The following ADGRL3 variants were observed in gnomAD, a reference collection of about 807,000 sequenced individuals.
ADGRL3 encodes the protein adhesion G protein-coupled receptor L3.
ADGRL3 carries 62 observed loss-of-function variants against 153.5 expected under a neutral mutation model. The observed-to-expected ratio is 0.40, with a 90% CI of 0.33 to 0.50. ADGRL3 has a LOEUF of 0.50. Among genes scored for constraint, ADGRL3 ranks in the 20% least tolerant of loss-of-function variants. The probability of loss-of-function intolerance (pLI) is 0.47; values close to 1 mark genes in which losing one functional copy is unlikely to be tolerated. For synonymous variants in ADGRL3, 710 were observed against 672.5 expected (o/e 1.06, Z -0.86); for missense variants, 1,641 against 1,859.4 (o/e 0.88, Z 2.16).
chr4:61,769,981 G>A (rs1182145833), intron 8 of ADGRL3, among the ~76,000 whole-genome samples: 1 of 152,160 alleles, frequency 6.6e-6, no homozygotes, highest in Admixed American at 6.5e-5. Context: ...ACAGGTGCAG[G>A]TCACAGGGGA....
chr4:61,710,316 G>T (rs2095946352), intron 6 of ADGRL3, among the ~76,000 whole-genome samples: 3 of 152,176 alleles, frequency 2.0e-5, no homozygotes, highest in Admixed American at 2.0e-4. Flanking sequence ...CAGTCTTGGG[G>T]AATGGCCATT....
chr4:62,028,336 A>G (rs1279094471), intron 21 of ADGRL3, among the ~76,000 whole-genome samples: 1 of 151,834 alleles, frequency 6.6e-6, no homozygotes, highest in African/African-American at 2.4e-5. Flanking sequence ...AAAGTACTCA[A>G]GATAGATTAT....
chr4:61,953,864 G>C (rs972134846), intron 17 of ADGRL3, among the ~76,000 whole-genome samples: 8 of 152,174 alleles, frequency 5.3e-5, no homozygotes, highest in Non-Finnish European at 1.0e-4. Flanking sequence ...ACGTTCTTCA[G>C]TTTGCCTTGG....
chr4:62,063,085 G>A (rs1323669906), intron 25 of ADGRL3, among the ~76,000 whole-genome samples: 3 of 152,064 alleles, frequency 2.0e-5, no homozygotes, highest in African/African-American at 7.2e-5. Flanking sequence ...TTCTGTGAAT[G>A]AGGGAATGTT....
intron 17 of ADGRL3, among the ~76,000 whole-genome samples, chr4:61,957,165 T>G (rs1023207352): frequency 8.5e-5 from 13 of 152,328 alleles, no homozygotes; most frequent in African/African-American, 3.1e-4. Context: ...GTCCTATCCA[T>G]GAAGATGGGA....
intron 1 of ADGRL3, among the ~76,000 whole-genome samples, chr4:61,261,191 T>TC (rs202038990): frequency 4.1e-3 from 75 of 18,346 alleles, no homozygotes; most frequent in African/African-American, 0.01. Context: ...ATCTTCTTCT[T>TC]TTTTTTTTTT....
chr4:61,756,309 T>C (rs1280416026), intron 8 of ADGRL3, among the ~76,000 whole-genome samples: 1 of 152,198 alleles, frequency 6.6e-6, no homozygotes, highest in Non-Finnish European at 1.5e-5. Context: ...CAGTGGTTTG[T>C]AGTTCTCCTT....
intron 5 of ADGRL3, among the ~76,000 whole-genome samples, chr4:61,646,939 C>T (rs536247579): frequency 4.5e-4 from 68 of 152,318 alleles, no homozygotes; most frequent in Middle Eastern, 3.4e-3. Context: ...ACTCCGTGGG[C>T]GTAGGACCCT....
At chr4:61,766,551 C>G (rs1051894340) in intron 8 of ADGRL3, among the ~76,000 whole-genome samples, 1 of 151,918 alleles carries the variant, frequency 6.6e-6, no homozygotes, top group Non-Finnish European at 1.5e-5. Context: ...AGAGATCAGT[C>G]GGACACGATT....
chr4:61,981,606 A>G (rs1004052630), intron 18 of ADGRL3, among the ~76,000 whole-genome samples: 4 of 152,142 alleles, frequency 2.6e-5, no homozygotes, highest in African/African-American at 9.7e-5. Context: ...ATAATAGACA[A>G]TATCTTCATA....
chr4:61,976,749 C>G (rs912236520), intron 17 of ADGRL3, among the ~76,000 whole-genome samples: 1 of 152,150 alleles, frequency 6.6e-6, no homozygotes, highest in African/African-American at 2.4e-5. Context: ...GCTCCCCCTT[C>G]GCCTTCTGCC....
chr4:62,068,010 T>G (rs1015300546), intron 25 of ADGRL3, among the ~76,000 whole-genome samples, 156 bp from the exon 26 acceptor site: 7 of 152,172 alleles, frequency 4.6e-5, no homozygotes, highest in Non-Finnish European at 8.8e-5. Context: ...TGGTAAATCA[T>G]GTAACCCAGA....
chr4:61,631,602 C>G (rs987749), intron 5 of ADGRL3, among the ~76,000 whole-genome samples: 1 of 152,014 alleles, frequency 6.6e-6, no homozygotes, highest in Non-Finnish European at 1.5e-5. Flanking sequence ...TATACATTAC[C>G]GTTAAAATAA....
intron 25 of ADGRL3, among the ~76,000 whole-genome samples, chr4:62,061,189 A>G (rs2151859839): frequency 6.6e-6 from 1 of 152,046 alleles, no homozygotes. Context: ...AACATTTTTT[A>G]GGAGTGGCAT....
intron 4 of ADGRL3, among the ~76,000 whole-genome samples, chr4:61,550,752 A>G (rs7688741): frequency 0.56 from 84,969 of 151,812 alleles, 24,122 homozygotes; most frequent in East Asian, 0.78. Context: ...GAATATACAT[A>G]TGATGCTAAC....
chr4:61,355,190 T>C (rs1004161916), intron 1 of ADGRL3, among the ~76,000 whole-genome samples: 2 of 152,122 alleles, frequency 1.3e-5, no homozygotes, highest in Non-Finnish European at 1.5e-5. Flanking sequence ...CTCTGTTTGC[T>C]GTATAGAAAT....
chr4:62,040,379 T>C (rs1022256524), intron 24 of ADGRL3, among the ~76,000 whole-genome samples: 1 of 152,076 alleles, frequency 6.6e-6, no homozygotes, highest in African/African-American at 2.4e-5. Flanking sequence ...ATAATACTAA[T>C]TCTGATTAAC....
chr4:61,732,994 T>C lies in ADGRL3; in HGVS notation c.839T>C (p.Val280Ala), dbSNP rs1432389159. 1 of 1,613,744 alleles carries C rather than the reference T, an allele frequency of 6.2e-7. No homozygotes were observed. Residue 280 changes from valine to alanine, a missense_variant, in exon 8 of 27, where the codon GTA (valine) becomes GCA (alanine). Physicochemically the swap from Val to Ala is moderately conservative, Grantham distance 64. This residue lies in a region of ADGRL3 where 213 missense variants were observed against 362.1 expected (regional missense o/e 0.59). Transcript: ENST00000683033. ...CACAGGGTGGATGGCACAGGATTTG[T>C]AGTGTATGATGGAGCTTTGTTCTTC... ...LPHRVDGTGF[V>A]VYDGALFFNK...
At chr4:62,038,983 C>A (rs143729834) in intron 24 of ADGRL3, among the ~76,000 whole-genome samples, 102 of 152,086 alleles carry the variant, frequency 6.7e-4, no homozygotes, top group Non-Finnish European at 1.2e-3. Context: ...TCTGAGGAAG[C>A]CTTGAGTTTA....
Sources: allele counts gnomAD v4.1 joint callset (sites outside exome capture counted in the v4.1 genomes callset), GRCh38; gene constraint gnomAD v4.1.1; regional missense constraint gnomAD v4.1.1; transcripts MANE v1.5; gene names NCBI Gene and HGNC (gene_info 2026-07-23, HGNC 2026-07-21).